The following PRDM2 variants were observed in gnomAD, a reference collection of about 807,000 sequenced individuals.
PRDM2 encodes the protein PR/SET domain 2.
PRDM2 carries 30 observed loss-of-function variants against 130.0 expected under a neutral mutation model. The observed-to-expected ratio is 0.23, with a 90% CI of 0.17 to 0.31. PRDM2 has a LOEUF of 0.31. PRDM2 is among the 10% of genes least tolerant of loss of function. The probability of loss-of-function intolerance (pLI) is 1.00; values close to 1 mark genes in which losing one functional copy is unlikely to be tolerated. For synonymous variants in PRDM2, 871 were observed against 782.4 expected (o/e 1.11, Z -1.89); for missense variants, 2,011 against 2,108.4 (o/e 0.95, Z 0.90).
In PRDM2 at chr1:13,806,407, G is replaced by A. The variant is rs563418471; in HGVS notation, c.5037-10020G>A. Among the ~76,000 whole-genome samples, 202 of 151,906 alleles carry A rather than the reference G, an allele frequency of 1.3e-3. No individual in the cohort carries two copies. Among genetic ancestry groups the A allele is most frequent in the Non-Finnish European group, 2.1e-3 (144 of 67,920 alleles). The stretch of plus-strand genomic sequence containing the variant: ...CCCTCATCAGAATCTCCATTCAGCC[G>A]CCCACCTGACATCTCCCTTGGGTGT... On this transcript the variant is annotated intron_variant, in intron 8 of 9. Coordinates refer to ENST00000311066, the MANE Select transcript of PRDM2 (RefSeq NM_001393986.1). This position sits in a 1 kb window ranked among gnomAD's most constrained non-coding sequence, Gnocchi z 4.1.
At chr1:13,756,821 C>G (rs1407007629) in intron 6 of PRDM2, among the ~76,000 whole-genome samples, 1 of 152,160 alleles carries the variant, frequency 6.6e-6, no homozygotes, top group Non-Finnish European at 1.5e-5. Context: ...GTTGGTTGCT[C>G]TGTGTATACC....
At position 13,816,576 on chromosome 1, in the gene PRDM2, AGG is replaced by A. The variant is rs1322622678; in HGVS notation, c.*23+7_*23+8del. The stretch of plus-strand genomic sequence containing the variant: ...CTCTGGCTGCTCCCTGACAGGTACG[AGG>A]CAGGATGGAACAGCTTCTGGCACTG... On this transcript the variant is annotated splice_region_variant and intron_variant, in intron 9 of 9. Transcript: ENST00000311066. 1.2e-6 allele frequency: 2 copies of A among 1,613,636 alleles called. No homozygotes were observed. The highest frequency in any genetic ancestry group is 4.5e-5 in the East Asian group (2 of 44,850).
chr1:13,798,447 A>G (rs1001228433), intron 8 of PRDM2, among the ~76,000 whole-genome samples: 6 of 151,174 alleles, frequency 4.0e-5, no homozygotes, highest in African/African-American at 7.3e-5. Flanking sequence ...TTAAGAATGC[A>G]TAATGAAAGC....
chr1:13,797,798 T>C (rs1644945597), intron 8 of PRDM2, among the ~76,000 whole-genome samples: 2 of 152,206 alleles, frequency 1.3e-5, no homozygotes, highest in Non-Finnish European at 2.9e-5. Flanking sequence ...TTTGAAATCT[T>C]CATTTTTATC....
chr1:13,729,181 C>T (rs1557604005), intron 2 of PRDM2, among the ~76,000 whole-genome samples: 1 of 152,172 alleles, frequency 6.6e-6, no homozygotes, highest in Non-Finnish European at 1.5e-5. Flanking sequence ...TAAGACAGCA[C>T]AGTGCCTTGA....
At chr1:13,809,854 A>AT (rs1281107187) in intron 8 of PRDM2, among the ~76,000 whole-genome samples, 3 of 151,914 alleles carry the variant, frequency 2.0e-5, no homozygotes, top group South Asian at 2.1e-4. Flanking sequence ...AATGACAGAA[A>AT]TTTTTTTTTC....
rs1570148937 is a variant in PRDM2 at position 13,823,352 on chromosome 1, C to T, written c.*217C>T. ...GGTCTTCAAACGAGGGTCCCGATCC[C>T]CGGGGCGGCAGGAAGGGGGCCGACT... is the stretch of plus-strand genomic sequence containing the variant. On this transcript the variant is annotated 3_prime_UTR_variant, in exon 10 of 10. Coordinates refer to ENST00000311066, the MANE Select transcript of PRDM2 (RefSeq NM_001393986.1). 8.2e-6 allele frequency: 6 copies of T among 732,388 alleles called. No homozygotes were observed. Among genetic ancestry groups the T allele is most frequent in the Non-Finnish European group, 1.4e-5 (6 of 427,898 alleles). The allele number at this position is 732,388 out of a possible 1,614,324, so 45.4% of individuals were successfully genotyped here.
intron 6 of PRDM2, among the ~76,000 whole-genome samples, chr1:13,767,294 AGTT>A (rs1462344716): frequency 3.3e-5 from 5 of 151,070 alleles, no homozygotes; most frequent in Non-Finnish European, 7.4e-5. Flanking sequence ...CTATAAATGC[AGTT>A]TAAGTCTTTG....
chr1:13,733,762 C>G (rs1313423314), intron 4 of PRDM2, among the ~76,000 whole-genome samples: 1 of 152,118 alleles, frequency 6.6e-6, no homozygotes, highest in African/African-American at 2.4e-5. Context: ...AAGTCAGTGC[C>G]CCCTGGAAGC....
At chr1:13,760,980 G>C (rs78354946) in intron 6 of PRDM2, among the ~76,000 whole-genome samples, 2,810 of 152,314 alleles carry the variant, frequency 0.018, 64 homozygotes, top group South Asian at 0.12. Context: ...TAAAGGGCCT[G>C]TTTGGATCTG....
rs1055193150 is a variant in PRDM2, at chr1:13,823,319, G to C, written c.*184G>C. 9.3e-7 allele frequency: 1 copy of C among 1,071,546 alleles called. No homozygotes were observed. The highest frequency in any genetic ancestry group is 1.6e-5 in the African/African-American group (1 of 63,370). 66.4% of individuals were successfully genotyped at this position (1,071,546 alleles called of 1,614,324 possible). A position where few individuals can be genotyped will look rare whatever the true frequency, so the allele number is the denominator to read the frequency against. ...TGTGTTCACGTGTTCTCGTGCGGGC[G>C]CGTGAGTGGTCTTCAAACGAGGGTC... On this transcript the variant is annotated 3_prime_UTR_variant, in exon 10 of 10. Coordinates refer to ENST00000311066, the MANE Select transcript of PRDM2 (RefSeq NM_001393986.1).
chr1:13,780,898 C>T lies in PRDM2; in HGVS notation c.3103C>T (p.Pro1035Ser), dbSNP rs546451582. 2.7e-5 allele frequency: 44 copies of T among 1,613,414 alleles called. No homozygotes were observed. The South Asian group carries it at 4.3e-4, about 16-fold the overall frequency. The stretch of plus-strand genomic sequence containing the variant: ...AGTGTCCCCCTCTCCCTCTCCCATT[C>T]CTCCCGTGGAGCCCCTGATGTCTGC... ...PTVSPSPSPIPPVEPLMSAAS... is the reference protein window; with the variant it reads ...PTVSPSPSPISPVEPLMSAAS... The change falls in exon 8 of 10, where the codon CCT (proline) becomes TCT (serine). Residue 1035 changes from proline (P) to serine (S), a missense_variant. By Grantham distance (74) the Pro-to-Ser change is moderately conservative (BLOSUM62 -1). Transcript: ENST00000311066.
At chr1:13,750,328 C>T (rs1158498091) in intron 6 of PRDM2, among the ~76,000 whole-genome samples, 3 of 150,716 alleles carry the variant, frequency 2.0e-5, no homozygotes, top group South Asian at 2.1e-4. Context: ...GAAAATATGC[C>T]AAGGCACAGT....
chr1:13,786,059 C>T lies in PRDM2; in HGVS notation c.5036+3228C>T, dbSNP rs1307813115. Among the ~76,000 whole-genome samples, 10 of 151,944 alleles carry T rather than the reference C, an allele frequency of 6.6e-5. No homozygotes were observed. In the South Asian group the frequency reaches 8.3e-4, roughly 13 times the overall value. On this transcript the variant is annotated intron_variant, in intron 8 of 9. Transcript: ENST00000311066. Reference sequence around the variant, plus strand: ...TTCACCGTGTTAGCCAGGATGGTCTCGATCTCCTGACCTTATGATCCGCCC... The same window carrying T: ...TTCACCGTGTTAGCCAGGATGGTCTTGATCTCCTGACCTTATGATCCGCCC...
Position 13,729,475 on chromosome 1 carries a change from A to G in PRDM2, c.10-1525A>G, listed in dbSNP as rs144744590. Among the ~76,000 whole-genome samples, 81 of 152,314 alleles carry G rather than the reference A, an allele frequency of 5.3e-4. No homozygotes were observed. In the East Asian group the frequency reaches 8.9e-3, roughly 17 times the overall value. The stretch of plus-strand genomic sequence containing the variant: ...TGAAATAATCATTATGTAGCTTAGG[A>G]TGCCAATGCCAACTACCAGTGTAAT... On this transcript the variant is annotated intron_variant, in intron 2 of 9. Transcript: ENST00000311066.
intron 2 of PRDM2, 25 bp downstream of exon 2, chr1:13,715,639 A>G (rs758873899): frequency 1.6e-5 from 26 of 1,584,872 alleles, no homozygotes; most frequent in South Asian, 1.6e-4. Context: ...CAGAATTTAT[A>G]CAAATACATG....
chr1:13,724,440 T>C (rs1642839239), intron 2 of PRDM2, among the ~76,000 whole-genome samples: 1 of 151,958 alleles, frequency 6.6e-6, no homozygotes, highest in Non-Finnish European at 1.5e-5. Context: ...TTGACACTGC[T>C]CACACTCTTT....
Position 13,779,175 on chromosome 1 carries a change from A to C in PRDM2, c.1380A>C (p.Ser460=). The C allele has an allele frequency of 1.2e-6, 2 of 1,614,242 alleles. No homozygotes were observed. Among genetic ancestry groups the C allele is most frequent in the Non-Finnish European group, 1.7e-6 (2 of 1,180,034 alleles). Residue 460 remains serine, a synonymous_variant, in exon 8 of 10, where the codon TCA becomes TCC. Coordinates refer to ENST00000311066, the MANE Select transcript of PRDM2 (RefSeq NM_001393986.1). The surrounding 1 kb of genome is among the most constrained non-coding windows in gnomAD (Gnocchi z 4.9). Reference sequence around the variant, plus strand: ...GGCCAGACTGTCTGATCATGAATTCAGAGAAGGCTTCCCAAGACACAATAA... The same window carrying C: ...GGCCAGACTGTCTGATCATGAATTCCGAGAAGGCTTCCCAAGACACAATAA... The part of the protein sequence containing the change: ...SLGPDCLIMN[S]EKASQDTINS...
At position 13,778,470 on chromosome 1, in the gene PRDM2, C is replaced by G; in HGVS notation, c.675C>G (p.Ala225=). The G allele has an allele frequency of 6.2e-7, 1 of 1,613,966 alleles. No individual in the cohort carries two copies. The highest frequency in any genetic ancestry group is 8.5e-7 in the Non-Finnish European group (1 of 1,179,930). The change falls in exon 8 of 10, where the codon GCC becomes GCG. Residue 225 remains alanine (A), a synonymous_variant. Coordinates refer to ENST00000311066, the MANE Select transcript of PRDM2 (RefSeq NM_001393986.1). ...KPSASALEQP[A]TLQEVASQEV... ...CAGCCTCAGCACTTGAGCAGCCGGC[C>G]ACCCTCCAGGAGGTGGCCAGTCAGG... is the stretch of plus-strand genomic sequence containing the variant.
Sources: allele counts gnomAD v4.1 joint callset (sites outside exome capture counted in the v4.1 genomes callset), GRCh38; gene constraint gnomAD v4.1.1; non-coding constraint Gnocchi (gnomAD v3.1); transcripts MANE v1.5; gene names NCBI Gene and HGNC (gene_info 2026-07-23, HGNC 2026-07-21).